The following DPP6 variants were observed in gnomAD, a reference collection of about 807,000 sequenced individuals.
DPP6 encodes the protein A-type potassium channel modulatory protein DPP6.
In DPP6, 69 loss-of-function variants were observed where a neutral mutation model predicts 122.6. That is an observed-to-expected ratio of 0.56 (90% CI 0.46 to 0.69). The LOEUF is 0.69. Among genes scored for constraint, DPP6 ranks in the 30% least tolerant of loss-of-function variants. The pLI is 0.00. For synonymous variants in DPP6, 418 were observed against 433.1 expected (o/e 0.97, Z 0.43); for missense variants, 928 against 1,116.9 (o/e 0.83, Z 2.41).
chr7:154,852,877 G>A (rs1802521467), intron 16 of DPP6, among the ~76,000 whole-genome samples: 1 of 87,450 alleles, frequency 1.1e-5, no homozygotes, highest in Non-Finnish European at 2.2e-5. Context: ...TGGCATTTGA[G>A]TAGACATTTA....
intron 1 of DPP6, among the ~76,000 whole-genome samples, chr7:154,420,443 G>A (rs1817374935): frequency 6.6e-6 from 1 of 152,156 alleles, no homozygotes; most frequent in Non-Finnish European, 1.5e-5. Context: ...CTCATAGGAG[G>A]TATCTAAAGT....
At chr7:154,567,629 T>G (rs189021501) in intron 5 of DPP6, among the ~76,000 whole-genome samples, 1 of 152,364 alleles carries the variant, frequency 6.6e-6, no homozygotes, top group Non-Finnish European at 1.5e-5. Context: ...TAGAAATGTA[T>G]GTTTTAAGAA....
Position 154,773,987 on chromosome 7 carries a change from C to T in DPP6, c.1136+1045C>T, listed in dbSNP as rs28564409. On this transcript the variant is annotated intron_variant, in intron 10 of 25. Coordinates refer to ENST00000377770, the MANE Select transcript of DPP6 (RefSeq NM_130797.4). ...CCGAGGCCTCTGCAGAATTCTACTGCGATTCCTTCCCCTCATCTTTCTTCA... is the reference window on the plus strand; with the variant it reads ...CCGAGGCCTCTGCAGAATTCTACTGTGATTCCTTCCCCTCATCTTTCTTCA... Among the ~76,000 whole-genome samples, 900 of 152,270 alleles carry T rather than the reference C, an allele frequency of 5.9e-3. 8 individuals carry two copies. Among genetic ancestry groups the T allele is most frequent in the African/African-American group, 0.021 (852 of 41,544 alleles).
At chr7:154,169,786 A>G (rs1311306620) in intron 1 of DPP6, among the ~76,000 whole-genome samples, 2 of 152,210 alleles carry the variant, frequency 1.3e-5, no homozygotes, top group Admixed American at 6.5e-5. Flanking sequence ...GCTGGAGTAC[A>G]GTGGCGAGAT....
rs549279007 is a variant in DPP6, at chr7:154,302,952, T to C, written c.244-143262T>C. Reference sequence around the variant, plus strand: ...GATGCGAACAGATGGGAGCTCAACATTTGACCCATCCCTGGGGTTTTAGTT... The same window carrying C: ...GATGCGAACAGATGGGAGCTCAACACTTGACCCATCCCTGGGGTTTTAGTT... On this transcript the variant is annotated intron_variant, in intron 1 of 25. Transcript: ENST00000377770. Among the ~76,000 whole-genome samples, 173 of 151,946 alleles carry C rather than the reference T, an allele frequency of 1.1e-3. 1 individual carries two copies. The highest frequency in any genetic ancestry group is 4.1e-3 in the African/African-American group (168 of 41,372).
chr7:153,801,490 G>A, the DPP6 span, among the ~76,000 whole-genome samples: 1 of 152,114 alleles, frequency 6.6e-6, no homozygotes, highest in Non-Finnish European at 1.5e-5. Context: ...TGGGTCACTG[G>A]TCAAGCTGCC....
At chr7:154,368,320 T>TC (rs1288398520) in intron 1 of DPP6, among the ~76,000 whole-genome samples, 1 of 152,022 alleles carries the variant, frequency 6.6e-6, no homozygotes, top group African/African-American at 2.4e-5. Flanking sequence ...CAAAGTGTGC[T>TC]CCCCGGGGCA....
chr7:153,773,625 G>T, the DPP6 span, among the ~76,000 whole-genome samples: 2 of 150,082 alleles, frequency 1.3e-5, no homozygotes, highest in African/African-American at 4.9e-5. Flanking sequence ...ATGTCAAAAA[G>T]TTTCAAGGAA....
At chr7:154,014,682 AAAG>A (rs1798316787) in intron 1 of DPP6, among the ~76,000 whole-genome samples, 1 of 152,036 alleles carries the variant, frequency 6.6e-6, no homozygotes, top group African/African-American at 2.4e-5. Context: ...AAGAAAGAAA[AAAG>A]AAAAAAAAAT....
chr7:154,253,352 T>TG (rs1195403857), intron 1 of DPP6, among the ~76,000 whole-genome samples: 1 of 152,212 alleles, frequency 6.6e-6, no homozygotes, highest in Middle Eastern at 3.4e-3. Context: ...GATACAGGTG[T>TG]GGGGGGTGAG....
intron 8 of DPP6, among the ~76,000 whole-genome samples, chr7:154,732,224 T>A (rs1172210244): frequency 1.3e-5 from 2 of 151,992 alleles, no homozygotes; most frequent in Non-Finnish European, 2.9e-5. Flanking sequence ...TTTTTGGTAT[T>A]TTTAGTAGAG....
intron 1 of DPP6, among the ~76,000 whole-genome samples, chr7:154,071,559 G>A (rs150239054): frequency 1.6e-4 from 25 of 152,284 alleles, no homozygotes; most frequent in Non-Finnish European, 2.6e-4. Context: ...CCAAACATAC[G>A]GAAAAGTGGA....
chr7:154,698,115 C>T (rs1432682481), intron 7 of DPP6, among the ~76,000 whole-genome samples: 4 of 152,128 alleles, frequency 2.6e-5, no homozygotes, highest in African/African-American at 9.7e-5. Flanking sequence ...AAATCTATTT[C>T]CAAGAATAGA....
rs1323919067 is a variant in DPP6 at position 154,760,877 on chromosome 7, C to A, written c.884-8540C>A. On this transcript the variant is annotated intron_variant, in intron 8 of 25. Transcript: ENST00000377770. This position sits in a 1 kb window ranked among gnomAD's most constrained non-coding sequence, Gnocchi z 4.5. ...TTTGAGACAGTCTTGCTGTGTCGCC[C>A]AGGCTTGAGTGCAATGGTGCAATCT... Among the ~76,000 whole-genome samples the A allele has an allele frequency of 6.6e-6, 1 of 151,668 alleles. No homozygotes were observed. The highest frequency in any genetic ancestry group is 1.5e-5 in the Non-Finnish European group (1 of 67,944).
intron 1 of DPP6, among the ~76,000 whole-genome samples, chr7:154,266,316 C>T (rs1471414436): frequency 6.6e-6 from 1 of 152,148 alleles, no homozygotes; most frequent in Admixed American, 6.5e-5. Flanking sequence ...GGAAGGGTTA[C>T]AGTCTTATTC....
intron 1 of DPP6, 70 bp from the exon 2 acceptor site, chr7:154,446,144 T>C: frequency 1.1e-6 from 1 of 939,064 alleles, no homozygotes; most frequent in South Asian, 1.8e-5. Flanking sequence ...TTAAATGAAA[T>C]ATGTCTATTT....
the DPP6 span, among the ~76,000 whole-genome samples, chr7:153,831,989 A>G: frequency 6.6e-6 from 1 of 152,220 alleles, no homozygotes; most frequent in Non-Finnish European, 1.5e-5. Context: ...AGCGCCTCAT[A>G]ATAGGCAAGT....
At chr7:154,324,603 G>A (rs1299256805) in intron 1 of DPP6, among the ~76,000 whole-genome samples, 1 of 152,130 alleles carries the variant, frequency 6.6e-6, no homozygotes, top group Non-Finnish European at 1.5e-5. Flanking sequence ...CAGGCAGCAG[G>A]CTCCATGTCT....
intron 1 of DPP6, among the ~76,000 whole-genome samples, chr7:154,328,069 G>A (rs924745133): frequency 3.9e-5 from 6 of 152,246 alleles, no homozygotes; most frequent in Admixed American, 2.0e-4. Context: ...TCCTCCCCAC[G>A]TCTGTGAGCT....
Sources: gnomAD v4.1 joint callset for allele counts (sites outside exome capture counted in the v4.1 genomes callset) on GRCh38, gnomAD v4.1.1 for gene constraint, Gnocchi (gnomAD v3.1) non-coding constraint, MANE v1.5 for transcripts, NCBI Gene and HGNC (gene_info 2026-07-23, HGNC 2026-07-21) for gene names.